The following SMYD3 variants were observed in gnomAD, a reference collection of about 807,000 sequenced individuals.
SMYD3 encodes histone-lysine N-methyltransferase SMYD3.
Under a neutral mutation model 57.7 loss-of-function variants are expected in SMYD3, and 36 were observed. That is an observed-to-expected ratio of 0.62 (90% CI 0.48 to 0.82). The LOEUF is 0.82. Among genes scored for constraint, SMYD3 ranks in the 40% least tolerant of loss-of-function variants. The pLI, the probability that SMYD3 is intolerant of heterozygous loss-of-function variation, is 0.00. For missense variants in SMYD3, 515 were observed against 538.8 expected, an observed-to-expected ratio of 0.96 and a Z score of 0.44; for synonymous variants, 211 against 195.0, an observed-to-expected ratio of 1.08 and a Z score of -0.68.
At chr1:246,142,341 C>A (rs1366375389) in intron 5 of SMYD3, among the ~76,000 whole-genome samples, 2 of 152,136 alleles carry the variant, frequency 1.3e-5, no homozygotes, top group African/African-American at 2.4e-5. Context: ...ATCTTAGCAA[C>A]CTCAGCGTAT....
chr1:246,085,763 TA>T, intron 5 of SMYD3, among the ~76,000 whole-genome samples: 2 of 152,272 alleles, frequency 1.3e-5, no homozygotes, highest in South Asian at 4.1e-4. Flanking sequence ...AATAAATTTC[TA>T]ATAAAATAAA....
intron 5 of SMYD3, among the ~76,000 whole-genome samples, chr1:246,243,267 C>A (rs1177592606): frequency 6.6e-6 from 1 of 151,672 alleles, no homozygotes; most frequent in African/African-American, 2.4e-5. Context: ...GATTTTAGTC[C>A]AGTTCCTGCA....
chr1:246,256,295 C>T (rs1471195382), intron 5 of SMYD3, among the ~76,000 whole-genome samples: 2 of 146,436 alleles, frequency 1.4e-5, no homozygotes, highest in East Asian at 2.2e-4. Flanking sequence ...GGTGGATCTG[C>T]CTTCCCCAGC....
At chr1:245,797,010 T>C (rs1008322942) in intron 10 of SMYD3, among the ~76,000 whole-genome samples, 1 of 152,218 alleles carries the variant, frequency 6.6e-6, no homozygotes, top group Non-Finnish European at 1.5e-5. Context: ...TACCGGTTAG[T>C]GTACTCAAGA....
rs565041468 is a variant in SMYD3, at chr1:245,961,826, C to T, written c.532-31889G>A. Among the ~76,000 whole-genome samples, 16 of 152,218 alleles carry T rather than the reference C, an allele frequency of 1.1e-4. 1 individual carries two copies. The South Asian group carries it at 1.9e-3, about 18-fold the overall frequency. ...CTGAGAATGTAGGCTCCATGAAAGC[C>T]GGGATTCCTGTTTCCTCACAGCCAT... On this transcript the variant is annotated intron_variant, in intron 5 of 11. Transcript: ENST00000490107.
At chr1:245,942,348 G>A (rs1465771753) in intron 5 of SMYD3, among the ~76,000 whole-genome samples, 2 of 152,200 alleles carry the variant, frequency 1.3e-5, no homozygotes, top group Admixed American at 6.5e-5. Flanking sequence ...TAACAAAACA[G>A]ACTTTAAACC....
At chr1:245,788,251 C>T (rs1034090486) in intron 10 of SMYD3, among the ~76,000 whole-genome samples, 1 of 151,594 alleles carries the variant, frequency 6.6e-6, no homozygotes, top group Non-Finnish European at 1.5e-5. Context: ...CAGATTAGCA[C>T]AGGGAACAGG....
intron 5 of SMYD3, among the ~76,000 whole-genome samples, chr1:246,024,406 A>G (rs1572905305): frequency 1.3e-4 from 1 of 7,450 alleles, no homozygotes; most frequent in Admixed American, 1.1e-3. Context: ...GCATCTAGGA[A>G]GGAGATACAG....
chr1:246,428,630 G>A (rs1053704678), intron 1 of SMYD3, among the ~76,000 whole-genome samples: 1 of 152,192 alleles, frequency 6.6e-6, no homozygotes, highest in African/African-American at 2.4e-5. Flanking sequence ...GTGAGTAGCA[G>A]AGCTGGCATT....
chr1:245,801,845 T>C (rs1401032055), intron 10 of SMYD3, among the ~76,000 whole-genome samples: 1 of 151,336 alleles, frequency 6.6e-6, no homozygotes, highest in Non-Finnish European at 1.5e-5. Context: ...AACAAAACTC[T>C]GTGGAAGGAT....
At chr1:246,383,179 G>T (rs1235589714) in intron 1 of SMYD3, among the ~76,000 whole-genome samples, 1 of 152,224 alleles carries the variant, frequency 6.6e-6, no homozygotes, top group Non-Finnish European at 1.5e-5. Context: ...CGGAAAGAAG[G>T]CAAATTACCT....
chr1:245,910,457 T>A (rs2054886783), intron 8 of SMYD3, among the ~76,000 whole-genome samples: 1 of 152,002 alleles, frequency 6.6e-6, no homozygotes. Context: ...GAAATTCATA[T>A]GGAACAACAA....
intron 5 of SMYD3, among the ~76,000 whole-genome samples, chr1:246,091,132 C>T (rs2060816611): frequency 6.6e-6 from 1 of 152,136 alleles, no homozygotes; most frequent in South Asian, 2.1e-4. Context: ...ACTGGGATGC[C>T]AGGCGTACTG....
chr1:246,265,954 A>G (rs74329440), intron 5 of SMYD3, among the ~76,000 whole-genome samples: 3,951 of 152,300 alleles, frequency 0.026, 80 homozygotes, highest in Non-Finnish European at 0.039. Flanking sequence ...ATCTCTCATG[A>G]ATGTTTTTAA....
At chr1:246,177,757 G>C (rs1395932857) in intron 5 of SMYD3, among the ~76,000 whole-genome samples, 4 of 152,160 alleles carry the variant, frequency 2.6e-5, no homozygotes, top group African/African-American at 7.2e-5. Flanking sequence ...AGAGCTATGA[G>C]GACAGAGTGG....
At chr1:246,491,499 C>T (rs2068270494) in intron 1 of SMYD3, among the ~76,000 whole-genome samples, 1 of 151,046 alleles carries the variant, frequency 6.6e-6, no homozygotes, top group South Asian at 2.1e-4. Flanking sequence ...GAGATCGCAC[C>T]ATTGCACTCC....
At chr1:246,050,286 G>C (rs939368155) in intron 5 of SMYD3, among the ~76,000 whole-genome samples, 6 of 152,218 alleles carry the variant, frequency 3.9e-5, no homozygotes, top group African/African-American at 1.4e-4. Context: ...ATAGTTCACA[G>C]AGATAATGTT....
intron 1 of SMYD3, among the ~76,000 whole-genome samples, chr1:246,496,374 T>A (rs958228304): frequency 6.6e-6 from 1 of 152,120 alleles, no homozygotes; most frequent in Non-Finnish European, 1.5e-5. Flanking sequence ...TTCATTAACA[T>A]AAGGATGTTT....
chr1:246,123,858 G>A (rs1299914000), intron 5 of SMYD3, among the ~76,000 whole-genome samples: 3 of 152,020 alleles, frequency 2.0e-5, no homozygotes, highest in Admixed American at 6.5e-5. Flanking sequence ...AACCGTTAAC[G>A]AAATGGCAAC....
Sources: gnomAD v4.1 joint callset for allele counts (sites outside exome capture counted in the v4.1 genomes callset) on GRCh38, gnomAD v4.1.1 for gene constraint, MANE v1.5 for transcripts, NCBI Gene and HGNC (gene_info 2026-07-23, HGNC 2026-07-21) for gene names.